The following ANO3 variants were observed in gnomAD, a reference collection of about 807,000 sequenced individuals.
ANO3 encodes anoctamin-3.
In ANO3, 99 loss-of-function variants were observed where a neutral mutation model predicts 144.8. The ratio of observed to expected loss-of-function variants is 0.68; its 90% confidence interval spans 0.58 to 0.81. The LOEUF (loss-of-function observed/expected upper bound fraction) is 0.81, where lower values mean the gene tolerates loss of function less well. Ranked by LOEUF, ANO3 falls within the 30% of genes least tolerant of loss-of-function variation. ANO3 has a pLI of 0.00. For missense variants in ANO3, 905 were observed against 1,202.2 expected (o/e 0.75, Z 3.66); for synonymous variants, 414 against 392.6 (o/e 1.05, Z -0.64).
chr11:26,641,868 A>C lies in ANO3; in HGVS notation c.2142-28A>C, dbSNP rs765550197. ...AACCAGATGCTTGAATCAGAGCTCA[A>C]AAGTCCTTGGTCTGCTCTGTGATGT... is the stretch of plus-strand genomic sequence containing the variant. On this transcript the variant is annotated intron_variant, in intron 21 of 26. Coordinates refer to ENST00000256737, the MANE Select transcript of ANO3 (RefSeq NM_031418.4). 4 of 1,607,328 alleles carry C rather than the reference A, an allele frequency of 2.5e-6. 1 individual carries two copies. The South Asian group carries it at 3.3e-5, about 13-fold the overall frequency.
At chr11:26,508,458 T>C in intron 5 of ANO3, 196 bp downstream of exon 5, 1 of 440,458 alleles carries the variant, frequency 2.3e-6, no homozygotes, top group Non-Finnish European at 3.8e-6. Flanking sequence ...TTCTGTACAA[T>C]TTAAGTATTT....
intron 1 of ANO3, among the ~76,000 whole-genome samples, chr11:26,439,231 A>G (rs755403331): frequency 2.6e-5 from 4 of 152,244 alleles, no homozygotes; most frequent in Non-Finnish European, 5.9e-5. Context: ...AGAAGAAAAC[A>G]TAGGAGTAAA....
At chr11:26,243,888 G>C (rs933836084) in intron 1 of ANO3, among the ~76,000 whole-genome samples, 1 of 152,076 alleles carries the variant, frequency 6.6e-6, no homozygotes, top group African/African-American at 2.4e-5. Context: ...GGGAGGCCGA[G>C]GTGCGCAGAT....
chr11:26,451,351 C>T (rs1051605102), intron 3 of ANO3, among the ~76,000 whole-genome samples: 6 of 152,144 alleles, frequency 3.9e-5, no homozygotes, highest in South Asian at 2.1e-4. Flanking sequence ...GGGTGATGGG[C>T]GGCACCTGGA....
intron 4 of ANO3, among the ~76,000 whole-genome samples, chr11:26,499,287 A>C (rs1861092052): frequency 6.6e-6 from 1 of 151,796 alleles, no homozygotes; most frequent in African/African-American, 2.4e-5. Flanking sequence ...CAAAGCTTTT[A>C]TTTGAATGTA....
intron 1 of ANO3, among the ~76,000 whole-genome samples, chr11:26,300,799 A>AG (rs1854210296): frequency 6.6e-6 from 1 of 151,940 alleles, no homozygotes; most frequent in South Asian, 2.1e-4. Flanking sequence ...TGTTAGGATA[A>AG]TGTCACTACT....
chr11:26,368,739 G>A (rs1030641483), intron 1 of ANO3, among the ~76,000 whole-genome samples: 9 of 151,820 alleles, frequency 5.9e-5, no homozygotes, highest in African/African-American at 1.7e-4. Context: ...TAGAAAATTA[G>A]CTAGAAGGAA....
At chr11:26,381,997 G>T (rs1310299090) in intron 1 of ANO3, among the ~76,000 whole-genome samples, 3 of 151,914 alleles carry the variant, frequency 2.0e-5, no homozygotes, top group East Asian at 3.9e-4. Flanking sequence ...GGATTATTCT[G>T]AATTTTTATT....
At chr11:26,327,509 A>ACAGCAG, upstream of ANO3, among the ~76,000 whole-genome samples, 1 of 152,212 alleles carries the variant, frequency 6.6e-6, no homozygotes, top group East Asian at 1.9e-4. Flanking sequence ...AGTGGAGAAA[A>ACAGCAG]CAGCAGCAGC....
At chr11:26,213,864 A>G (rs745819411) in intron 1 of ANO3, among the ~76,000 whole-genome samples, 9 of 152,080 alleles carry the variant, frequency 5.9e-5, no homozygotes, top group Admixed American at 2.0e-4. Context: ...AAGTATTTAT[A>G]TACCTGAAGT....
chr11:26,642,342 C>CTT (rs576729432), intron 22 of ANO3, among the ~76,000 whole-genome samples: 126 of 93,026 alleles, frequency 1.4e-3, no homozygotes, highest in African/African-American at 2.8e-3. Context: ...TTCTTTCTTT[C>CTT]TTTTTTTTTT....
intron 14 of ANO3, among the ~76,000 whole-genome samples, chr11:26,593,815 A>G (rs1376822636): frequency 6.6e-6 from 1 of 152,132 alleles, no homozygotes; most frequent in East Asian, 1.9e-4. Flanking sequence ...GAGCCTCCAA[A>G]GTCCGCTTGC....
At chr11:26,252,528 G>A (rs976707557) in intron 1 of ANO3, among the ~76,000 whole-genome samples, 2 of 152,078 alleles carry the variant, frequency 1.3e-5, no homozygotes, top group African/African-American at 2.4e-5. Context: ...ATCACCTCCT[G>A]TAGAAAAGTC....
chr11:26,485,807 G>A (rs1332012803), intron 4 of ANO3, among the ~76,000 whole-genome samples: 3 of 152,074 alleles, frequency 2.0e-5, no homozygotes, highest in Non-Finnish European at 4.4e-5. Context: ...ATAATTTATT[G>A]ACTAAAACTT....
chr11:26,215,371 C>T (rs771095966), intron 1 of ANO3, among the ~76,000 whole-genome samples: 4 of 151,956 alleles, frequency 2.6e-5, no homozygotes, highest in Non-Finnish European at 4.4e-5. Flanking sequence ...TATTTGGTTG[C>T]TCCAATTGTT....
At chr11:26,638,883 G>A (rs979879131) in intron 20 of ANO3, among the ~76,000 whole-genome samples, 1 of 152,114 alleles carries the variant, frequency 6.6e-6, no homozygotes, top group Admixed American at 6.6e-5. Flanking sequence ...CTAACACAGA[G>A]CTTGGCAGAT....
intron 18 of ANO3, among the ~76,000 whole-genome samples, chr11:26,625,380 A>G (rs564214646): frequency 1.3e-5 from 2 of 152,310 alleles, no homozygotes; most frequent in Admixed American, 1.3e-4. Context: ...TGTTCCCTGC[A>G]GTGCCCTGTC....
chr11:26,195,992 G>T (rs955755216), intron 1 of ANO3, among the ~76,000 whole-genome samples: 2 of 152,050 alleles, frequency 1.3e-5, no homozygotes, highest in Admixed American at 1.3e-4. Flanking sequence ...TTTTTCCATT[G>T]TTCTGCCTAT....
chr11:26,447,863 T>C (rs1484238066), intron 3 of ANO3, among the ~76,000 whole-genome samples: 1 of 152,152 alleles, frequency 6.6e-6, no homozygotes, highest in Non-Finnish European at 1.5e-5. Flanking sequence ...TTATTAATCT[T>C]GGAAGCCCCA....
Sources: allele counts gnomAD v4.1 joint callset (sites outside exome capture counted in the v4.1 genomes callset), GRCh38; gene constraint gnomAD v4.1.1; transcripts MANE v1.5; gene names NCBI Gene and HGNC (gene_info 2026-07-23, HGNC 2026-07-21).